The following ALG1L2 variants were observed in gnomAD, a reference collection of about 807,000 sequenced individuals.
ALG1L2 encodes the protein putative glycosyltransferase ALG1L2.
A neutral mutation model predicts 29.0 loss-of-function variants in ALG1L2; 32 were observed. The ratio of observed to expected loss-of-function variants is 1.10; its 90% CI spans 0.83 to 1.48. ALG1L2 has a LOEUF of 1.48. Ranked by LOEUF, ALG1L2 falls within the 40% of genes most tolerant of loss-of-function variation. The probability of loss-of-function intolerance (pLI) is 0.00; values close to 1 mark genes in which losing one functional copy is unlikely to be tolerated. For synonymous variants in ALG1L2, 110 were observed against 109.5 expected, an observed-to-expected ratio of 1.00 and a Z score of -0.03; for missense variants, 318 against 274.1, an observed-to-expected ratio of 1.16 and a Z score of -1.13.
chr3:130,087,076 G>C (rs1456489366), intron 1 of ALG1L2, among the ~76,000 whole-genome samples: 1 of 148,990 alleles, frequency 6.7e-6, no homozygotes, highest in Non-Finnish European at 1.5e-5. Context: ...TACATAAGAT[G>C]ACCGGTTAAC....
rs1553720713 is a variant in ALG1L2 at position 130,096,155 on chromosome 3, C to A, written c.531C>A (p.Asn177Lys). Residue 177 changes from asparagine (N) to lysine (K), a missense_variant, in exon 6 of 8, where the codon AAC (asparagine) becomes AAA (lysine). Asn to Lys is a moderately conservative substitution (Grantham distance 94, BLOSUM62 0). Coordinates refer to ENST00000425059, the MANE Select transcript of ALG1L2 (RefSeq NM_001136152.1). The part of the protein sequence containing the change: ...FRCCLPACAV[N>K]FKCLHELVKH... ...GCTGTTTGCCTGCGTGTGCCGTGAA[C>A]TTCAAGTGGTAGGAGCAGAACCCGA... 10 of 1,611,954 alleles carry A rather than the reference C, an allele frequency of 6.2e-6. No individual in the cohort carries two copies. In the South Asian group the frequency reaches 1.1e-4, roughly 18 times the overall value.
chr3:130,093,029 G>GAAA (rs71158104), intron 3 of ALG1L2, 72 bp from the exon 4 acceptor site: 2,190 of 1,012,820 alleles, frequency 2.2e-3, no homozygotes, highest in East Asian at 0.011. Context: ...GAGTCTGTCA[G>GAAA]AAAAAAAAAA....
chr3:130,090,511 A>C (rs950725851), intron 1 of ALG1L2, among the ~76,000 whole-genome samples: 4 of 152,300 alleles, frequency 2.6e-5, no homozygotes, highest in Admixed American at 6.5e-5. Context: ...GTTCACTAAA[A>C]TGCAGATATT....
intron 5 of ALG1L2, among the ~76,000 whole-genome samples, chr3:130,095,548 T>C (rs1040321229): frequency 6.6e-6 from 1 of 151,938 alleles, no homozygotes; most frequent in East Asian, 1.9e-4. Flanking sequence ...GTGATTCTCC[T>C]GCCTCAGCCT....
intron 1 of ALG1L2, 45 bp downstream of exon 1, chr3:130,082,081 C>A (rs1934796820): frequency 1.3e-6 from 2 of 1,483,774 alleles, no homozygotes; most frequent in Non-Finnish European, 9.2e-7. Flanking sequence ...GCAGAGAAAC[C>A]CTGGGTTGGC....
intron 1 of ALG1L2, among the ~76,000 whole-genome samples, chr3:130,086,403 A>AT: frequency 6.7e-6 from 1 of 148,720 alleles, no homozygotes; most frequent in South Asian, 2.1e-4. Context: ...ATGGTGGCTC[A>AT]TGCCTGTCAT....
intron 1 of ALG1L2, chr3:130,090,863 GCTTT>G (rs1436236038): frequency 9.9e-6 from 2 of 202,502 alleles, no homozygotes; most frequent in Non-Finnish European, 2.0e-5. Context: ...GTGTCTAACT[GCTTT>G]CTAAGGATGA....
chr3:130,087,278 C>T (rs1218268343), intron 1 of ALG1L2, among the ~76,000 whole-genome samples: 1 of 150,396 alleles, frequency 6.6e-6, no homozygotes, highest in African/African-American at 2.4e-5. Context: ...ATATCACCGC[C>T]AAGAAACATC....
At chr3:130,085,665 A>C (rs1934874295) in intron 1 of ALG1L2, among the ~76,000 whole-genome samples, 1 of 151,674 alleles carries the variant, frequency 6.6e-6, no homozygotes, top group South Asian at 2.1e-4. Flanking sequence ...GGGGGTCAGG[A>C]CTCCAAGAAG....
intron 5 of ALG1L2, among the ~76,000 whole-genome samples, chr3:130,095,104 T>C (rs1313006802): frequency 6.6e-6 from 1 of 152,200 alleles, no homozygotes; most frequent in Non-Finnish European, 1.5e-5. Flanking sequence ...TCTCAGTTCA[T>C]GCAACCTCTG....
At chr3:130,089,950 G>A (rs1171549599) in intron 1 of ALG1L2, among the ~76,000 whole-genome samples, 1 of 152,304 alleles carries the variant, frequency 6.6e-6, no homozygotes, top group Non-Finnish European at 1.5e-5. Flanking sequence ...GCTGAGGTAG[G>A]AGAATCGCTT....
intron 1 of ALG1L2, among the ~76,000 whole-genome samples, chr3:130,086,207 G>A (rs1407966619): frequency 6.0e-5 from 9 of 151,160 alleles, no homozygotes; most frequent in Non-Finnish European, 1.3e-4. Flanking sequence ...GCAGCTCAGG[G>A]GATGCCTTCC....
intron 4 of ALG1L2, chr3:130,094,173 A>T (rs1935079911): frequency 1.8e-6 from 1 of 564,924 alleles, no homozygotes; most frequent in Non-Finnish European, 3.2e-6. Flanking sequence ...GCCCGAGGCC[A>T]GCTGGTTGCA....
chr3:130,094,598 A>T, intron 5 of ALG1L2, 85 bp downstream of exon 5: 1 of 1,431,080 alleles, frequency 7.0e-7, no homozygotes, highest in Non-Finnish European at 9.4e-7. Flanking sequence ...TTTTCTGAAA[A>T]GGTGGCTCTG....
At chr3:130,095,382 A>T (rs1321156742) in intron 5 of ALG1L2, among the ~76,000 whole-genome samples, 1 of 150,112 alleles carries the variant, frequency 6.7e-6, no homozygotes, top group Non-Finnish European at 1.5e-5. Flanking sequence ...TCACACTGAC[A>T]GCTGGTTTGT....
chr3:130,087,309 A>G (rs1181848964), intron 1 of ALG1L2, among the ~76,000 whole-genome samples: 1 of 149,708 alleles, frequency 6.7e-6, no homozygotes, highest in African/African-American at 2.4e-5. Context: ...AAAGTAAGGG[A>G]CATTCTATCA....
intron 1 of ALG1L2, among the ~76,000 whole-genome samples, chr3:130,088,499 C>A (rs796216760): frequency 6.7e-5 from 10 of 149,874 alleles, no homozygotes; most frequent in Non-Finnish European, 9.0e-5. Context: ...CTCACTGCAA[C>A]CTCTGCCTCC....
In ALG1L2 at chr3:130,098,072, C is replaced by T. The variant is rs994404293; in HGVS notation, c.616-151C>T. 3.7e-5 allele frequency: 40 copies of T among 1,077,332 alleles called. No homozygotes were observed. The African/African-American group carries it at 4.1e-4, about 11-fold the overall frequency. The allele number at this position is 1,077,332 out of a possible 1,614,324, so 66.7% of individuals were successfully genotyped here. On this transcript the variant is annotated intron_variant, in intron 7 of 7. Coordinates refer to ENST00000425059, the MANE Select transcript of ALG1L2 (RefSeq NM_001136152.1). The stretch of plus-strand genomic sequence containing the variant: ...TCCAGAAAGCATGTCAAGATGGAGG[C>T]GGAGCGCTGCTGGGGTGTGAAGGGT...
chr3:130,092,307 T>A, intron 3 of ALG1L2, 85 bp downstream of exon 3: 6 of 1,588,972 alleles, frequency 3.8e-6, no homozygotes, highest in Non-Finnish European at 5.1e-6. Flanking sequence ...CAGTCCTGCA[T>A]GCCCCAACCC....
Sources: gnomAD v4.1 joint callset for allele counts (sites outside exome capture counted in the v4.1 genomes callset) on GRCh38, gnomAD v4.1.1 for gene constraint, MANE v1.5 for transcripts, NCBI Gene and HGNC (gene_info 2026-07-23, HGNC 2026-07-21) for gene names.